Variants in MAPK4 observed in about 807,000 individuals in gnomAD.
MAPK4 encodes mitogen-activated protein kinase 4.
MAPK4 carries 22 observed loss-of-function variants against 47.7 expected under a neutral mutation model. The observed-to-expected ratio is 0.46, with a 90% confidence interval of 0.33 to 0.66. The LOEUF (loss-of-function observed/expected upper bound fraction) is 0.66. Among genes scored for constraint, MAPK4 ranks in the 30% least tolerant of loss-of-function variants. The pLI is 0.02. For synonymous variants in MAPK4, 390 were observed against 365.7 expected (o/e 1.07, Z -0.76); for missense variants, 736 against 831.7 (o/e 0.88, Z 1.42).
intron 1 of MAPK4, among the ~76,000 whole-genome samples, chr18:50,615,129 G>A (rs912804712): frequency 3.9e-5 from 6 of 152,128 alleles, no homozygotes; most frequent in Non-Finnish European, 8.8e-5. Context: ...GTGCCCACTC[G>A]CTCGTGCTGT....
intron 1 of MAPK4, among the ~76,000 whole-genome samples, chr18:50,654,080 C>T (rs117892875): frequency 1.1e-4 from 16 of 152,288 alleles, no homozygotes; most frequent in South Asian, 4.2e-4. Flanking sequence ...GTAGTATATA[C>T]GGCACACATC....
chr18:50,699,885 G>C (rs1909694200), intron 2 of MAPK4, among the ~76,000 whole-genome samples: 1 of 152,186 alleles, frequency 6.6e-6, no homozygotes, highest in African/African-American at 2.4e-5. Flanking sequence ...TAGAGGATGA[G>C]GTCTGGGAAG....
intron 3 of MAPK4, among the ~76,000 whole-genome samples, chr18:50,719,882 G>C (rs977561835): frequency 2.6e-5 from 4 of 152,210 alleles, no homozygotes; most frequent in African/African-American, 9.6e-5. Context: ...ACGAAGAAAG[G>C]TAGGGAGGGG....
intron 1 of MAPK4, among the ~76,000 whole-genome samples, chr18:50,580,225 T>C (rs2969971): frequency 0.2 from 29,707 of 152,082 alleles, 2,973 homozygotes; most frequent in East Asian, 0.36. Flanking sequence ...TGAAGACCAG[T>C]GTTGGCAAAC....
intron 2 of MAPK4, among the ~76,000 whole-genome samples, chr18:50,677,860 A>G (rs1303546934): frequency 2.0e-5 from 3 of 152,136 alleles, no homozygotes; most frequent in Admixed American, 6.6e-5. Context: ...TCCCAGGTCT[A>G]TAAATCTTAC....
intron 1 of MAPK4, among the ~76,000 whole-genome samples, chr18:50,639,967 C>T (rs923716317): frequency 6.6e-6 from 1 of 152,208 alleles, no homozygotes; most frequent in Non-Finnish European, 1.5e-5. Context: ...ATATTTATAG[C>T]CACCTCACTT....
At chr18:50,622,767 C>A (rs2042743771) in intron 1 of MAPK4, among the ~76,000 whole-genome samples, 2 of 152,148 alleles carry the variant, frequency 1.3e-5, no homozygotes, top group Non-Finnish European at 2.9e-5. Context: ...TGCAAAAGAC[C>A]ATTTTGTGAA....
chr18:50,611,046 A>G (rs908812475), intron 1 of MAPK4, among the ~76,000 whole-genome samples: 6 of 152,174 alleles, frequency 3.9e-5, no homozygotes, highest in African/African-American at 1.4e-4. Context: ...GAAGAAGGAC[A>G]TGCTTGAGGT....
At position 50,729,640 on chromosome 18, in the gene MAPK4, G is replaced by T; in HGVS notation, c.1550G>T (p.Arg517Leu). 1 of 1,484,020 alleles carries T rather than the reference G, an allele frequency of 6.7e-7. No homozygotes were observed. The highest frequency in any genetic ancestry group is 9.0e-7 in the Non-Finnish European group (1 of 1,114,934). 91.9% of individuals were successfully genotyped at this position (1,484,020 alleles called of 1,614,324 possible). ...CCGCCCGCCGACGACCCCGAGCGCC[G>T]CTTGTCTGCCTCGCCCCCCGGCCGC... ...ASPPADDPER[R>L]LSASPPGRPA... is the part of the protein sequence containing the mutation. The change falls in exon 6 of 6, where the codon CGC (arginine) becomes CTC (leucine). Residue 517 changes from arginine (R) to leucine (L), a missense_variant. Arg to Leu is a moderately radical substitution (Grantham distance 102). Transcript: ENST00000400384.
chr18:50,591,601 T>C (rs1000820390), intron 1 of MAPK4, among the ~76,000 whole-genome samples: 1 of 151,178 alleles, frequency 6.6e-6, no homozygotes, highest in Non-Finnish European at 1.5e-5. Flanking sequence ...GCATTTATGG[T>C]TTACAAAATG....
chr18:50,636,412 G>T (rs1021110662), intron 1 of MAPK4, among the ~76,000 whole-genome samples: 1 of 152,210 alleles, frequency 6.6e-6, no homozygotes, highest in African/African-American at 2.4e-5. Context: ...GCTAGGAAGT[G>T]CTTGGTAAGT....
intron 5 of MAPK4, among the ~76,000 whole-genome samples, chr18:50,728,342 C>T (rs1025137413): frequency 1.3e-5 from 2 of 152,358 alleles, no homozygotes; most frequent in Non-Finnish European, 2.9e-5. Context: ...GCAGAGCAGT[C>T]GAACGGGGCA....
At chr18:50,692,022 C>A (rs1197303664) in intron 2 of MAPK4, among the ~76,000 whole-genome samples, 1 of 152,214 alleles carries the variant, frequency 6.6e-6, no homozygotes, top group Admixed American at 6.5e-5. Flanking sequence ...TGGTGCCAGC[C>A]TTTACACTTT....
chr18:50,702,013 T>C (rs12962194), intron 2 of MAPK4, among the ~76,000 whole-genome samples: 26,691 of 150,942 alleles, frequency 0.18, 2,546 homozygotes, highest in African/African-American at 0.25. Context: ...ACAGAAAAAA[T>C]TAGCTGGGCA....
chr18:50,632,336 C>A (rs552838937), intron 1 of MAPK4, among the ~76,000 whole-genome samples: 70 of 152,272 alleles, frequency 4.6e-4, no homozygotes, highest in Non-Finnish European at 8.7e-4. Context: ...CTTTTTGTTG[C>A]TGTTTGATTT....
At chr18:50,573,988 A>G (rs2042272721) in intron 1 of MAPK4, among the ~76,000 whole-genome samples, 1 of 152,166 alleles carries the variant, frequency 6.6e-6, no homozygotes, top group East Asian at 1.9e-4. Flanking sequence ...TATAGTTACT[A>G]CCTGCTTCCC....
At chr18:50,610,955 C>T (rs2149377258) in intron 1 of MAPK4, among the ~76,000 whole-genome samples, 1 of 152,250 alleles carries the variant, frequency 6.6e-6, no homozygotes, top group Admixed American at 6.5e-5. Context: ...TATATAACTA[C>T]CAGATTTGGA....
intron 2 of MAPK4, among the ~76,000 whole-genome samples, chr18:50,675,429 G>A (rs1342081935): frequency 6.6e-6 from 1 of 150,924 alleles, no homozygotes; most frequent in African/African-American, 2.4e-5. Context: ...CGATTCTCCT[G>A]CCTCAGCCTC....
At chr18:50,719,410 A>C (rs1254615729) in intron 3 of MAPK4, among the ~76,000 whole-genome samples, 1 of 152,128 alleles carries the variant, frequency 6.6e-6, no homozygotes, top group Non-Finnish European at 1.5e-5. Context: ...CCATCCTGCT[A>C]TCTTATTTTT....
Sources: gnomAD v4.1 joint callset for allele counts (sites outside exome capture counted in the v4.1 genomes callset) on GRCh38, gnomAD v4.1.1 for gene constraint, MANE v1.5 for transcripts, NCBI Gene and HGNC (gene_info 2026-07-23, HGNC 2026-07-21) for gene names.